CNTNAP5: variants seen among roughly 807,000 people sequenced by gnomAD.
CNTNAP5 encodes contactin associated protein family member 5, also known as contactin-associated protein-like 5.
CNTNAP5 carries 72 observed loss-of-function variants against 150.2 expected under a neutral mutation model. That is an observed-to-expected ratio of 0.48 (90% CI 0.40 to 0.58). The LOEUF is 0.58. Among genes scored for constraint, CNTNAP5 ranks in the 20% least tolerant of loss-of-function variants. CNTNAP5 has a pLI of 0.00. For synonymous variants in CNTNAP5, 672 were observed against 619.8 expected, an observed-to-expected ratio of 1.08 and a Z score of -1.25; for missense variants, 1,636 against 1,626.2, an observed-to-expected ratio of 1.01 and a Z score of -0.10.
intron 13 of CNTNAP5, among the ~76,000 whole-genome samples, chr2:124,667,408 G>A (rs916891241): frequency 2.0e-5 from 3 of 152,208 alleles, no homozygotes; most frequent in African/African-American, 4.8e-5. Flanking sequence ...CTGAATATGA[G>A]AGTATCTTTG....
intron 7 of CNTNAP5, among the ~76,000 whole-genome samples, chr2:124,498,489 A>G (rs2104857218): frequency 6.6e-6 from 1 of 152,224 alleles, no homozygotes; most frequent in African/African-American, 2.4e-5. Context: ...TTAAATAGAG[A>G]TTGGGTCTCA....
chr2:124,817,015 T>C (rs927720718), intron 19 of CNTNAP5, among the ~76,000 whole-genome samples: 7 of 152,142 alleles, frequency 4.6e-5, no homozygotes, highest in Admixed American at 3.9e-4. Flanking sequence ...CACCCTAGGG[T>C]GTTTCTCCCA....
intron 11 of CNTNAP5, among the ~76,000 whole-genome samples, chr2:124,582,415 T>C (rs1209899948): frequency 1.3e-5 from 2 of 152,196 alleles, no homozygotes; most frequent in African/African-American, 4.8e-5. Context: ...TCAAGATTTC[T>C]GATAAGGACA....
At chr2:124,735,361 T>C (rs989834132) in intron 13 of CNTNAP5, among the ~76,000 whole-genome samples, 1 of 152,062 alleles carries the variant, frequency 6.6e-6, no homozygotes, top group Non-Finnish European at 1.5e-5. Context: ...AGAAAAAATA[T>C]AGAGGTTTAG....
At chr2:124,083,138 A>G (rs989446770) in intron 1 of CNTNAP5, among the ~76,000 whole-genome samples, 1 of 152,194 alleles carries the variant, frequency 6.6e-6, no homozygotes, top group African/African-American at 2.4e-5. Flanking sequence ...TCATGAGGCC[A>G]AGAGTTCAAG....
chr2:124,915,989 G>C lies in CNTNAP5; in HGVS notation c.*1701G>C, dbSNP rs999549233. Reference sequence around the variant, plus strand: ...CTCTATTTGCCATCCTTGACAGTTAGCAGACATTCCAACTTGTGCTTAGGG... The same window carrying C: ...CTCTATTTGCCATCCTTGACAGTTACCAGACATTCCAACTTGTGCTTAGGG... On this transcript the variant is annotated 3_prime_UTR_variant, in exon 24 of 24. Transcript: ENST00000682447. 3.9e-5 allele frequency among the ~76,000 whole-genome samples: 6 copies of C among 152,034 alleles called. No individual in the cohort carries two copies. Among genetic ancestry groups the C allele is most frequent in the Non-Finnish European group, 5.9e-5 (4 of 67,970 alleles).
chr2:124,501,422 T>C (rs1694276796), intron 7 of CNTNAP5, among the ~76,000 whole-genome samples: 1 of 152,186 alleles, frequency 6.6e-6, no homozygotes, highest in Admixed American at 6.5e-5. Flanking sequence ...AGGAATGATA[T>C]TTGAGAAAGA....
chr2:124,406,719 C>T (rs925554595), intron 3 of CNTNAP5, among the ~76,000 whole-genome samples: 3 of 152,120 alleles, frequency 2.0e-5, no homozygotes, highest in African/African-American at 7.2e-5. Context: ...ATCACCTTTC[C>T]TAGCTATTTT....
At chr2:124,910,988 T>C (rs1020664986) in intron 22 of CNTNAP5, among the ~76,000 whole-genome samples, 3 of 152,002 alleles carry the variant, frequency 2.0e-5, no homozygotes, top group African/African-American at 7.2e-5. Context: ...TCATATATGG[T>C]ACTGTACACA....
chr2:124,515,344 TG>T (rs1208369629), intron 8 of CNTNAP5, among the ~76,000 whole-genome samples: 1 of 152,122 alleles, frequency 6.6e-6, no homozygotes, highest in African/African-American at 2.4e-5. Flanking sequence ...GTTATCCCAC[TG>T]GGAAGAGGAG....
At chr2:124,188,962 G>A (rs535152459) in intron 1 of CNTNAP5, among the ~76,000 whole-genome samples, 6 of 152,150 alleles carry the variant, frequency 3.9e-5, no homozygotes, top group Admixed American at 2.0e-4. Flanking sequence ...ATCCAAGACC[G>A]CATATAATGG....
At chr2:124,829,020 T>C (rs902237382) in intron 19 of CNTNAP5, among the ~76,000 whole-genome samples, 15 of 152,004 alleles carry the variant, frequency 9.9e-5, no homozygotes, top group African/African-American at 3.6e-4. Context: ...TGGTCATAGA[T>C]TACAAAGGCA....
At chr2:124,661,868 T>A (rs934841766) in intron 13 of CNTNAP5, among the ~76,000 whole-genome samples, 3 of 151,506 alleles carry the variant, frequency 2.0e-5, no homozygotes, top group Admixed American at 6.6e-5. Context: ...AATCTTTTTT[T>A]AATATATATA....
intron 11 of CNTNAP5, among the ~76,000 whole-genome samples, chr2:124,564,676 A>T (rs10187915): frequency 0.016 from 2,486 of 152,250 alleles, 67 homozygotes; most frequent in African/African-American, 0.056. Flanking sequence ...TTATAATTGT[A>T]TAGTCTTATT....
intron 10 of CNTNAP5, among the ~76,000 whole-genome samples, chr2:124,528,951 T>C (rs1695041003): frequency 6.6e-6 from 1 of 152,106 alleles, no homozygotes. Flanking sequence ...CTGCTAACGC[T>C]AGAATGAGCT....
chr2:124,394,593 C>G (rs1206593001), intron 3 of CNTNAP5, among the ~76,000 whole-genome samples: 1 of 152,132 alleles, frequency 6.6e-6, no homozygotes, highest in African/African-American at 2.4e-5. Flanking sequence ...ATATTGAACA[C>G]TCAATGAGGA....
At chr2:124,888,559 C>T (rs1678127668) in intron 21 of CNTNAP5, among the ~76,000 whole-genome samples, 1 of 152,120 alleles carries the variant, frequency 6.6e-6, no homozygotes, top group African/African-American at 2.4e-5. Flanking sequence ...ATTTGGATTT[C>T]TACCAACAGT....
intron 21 of CNTNAP5, among the ~76,000 whole-genome samples, chr2:124,893,064 C>A (rs773523826): frequency 1.3e-5 from 2 of 151,984 alleles, no homozygotes; most frequent in African/African-American, 4.8e-5. Context: ...TTATGAAAAA[C>A]GTGTATAGAA....
intron 7 of CNTNAP5, among the ~76,000 whole-genome samples, chr2:124,486,410 C>T (rs1032602456): frequency 5.9e-5 from 9 of 152,216 alleles, no homozygotes; most frequent in East Asian, 1.9e-4. Context: ...AAGAACTTAC[C>T]GATGTAACCA....
Sources: allele counts gnomAD v4.1 joint callset (sites outside exome capture counted in the v4.1 genomes callset), GRCh38; gene constraint gnomAD v4.1.1; transcripts MANE v1.5; gene names NCBI Gene and HGNC (gene_info 2026-07-23, HGNC 2026-07-21).